MGAT4C: variants seen among roughly 807,000 people sequenced by gnomAD.
MGAT4C encodes alpha-1,3-mannosyl-glycoprotein 4-beta-N-acetylglucosaminyltransferase C.
A neutral mutation model predicts 40.1 loss-of-function variants in MGAT4C; 19 were observed. The observed-to-expected ratio is 0.47, with a 90% CI of 0.33 to 0.70. The LOEUF (loss-of-function observed/expected upper bound fraction) is 0.70. Among genes scored for constraint, MGAT4C ranks in the 30% least tolerant of loss-of-function variants. MGAT4C has a pLI of 0.02. For synonymous variants in MGAT4C, 181 were observed against 187.1 expected, an observed-to-expected ratio of 0.97 and a Z score of 0.27; for missense variants, 491 against 563.2, an observed-to-expected ratio of 0.87 and a Z score of 1.30.
At chr12:86,066,020 TC>T (rs1894505740) in intron 1 of MGAT4C, among the ~76,000 whole-genome samples, 2 of 152,170 alleles carry the variant, frequency 1.3e-5, no homozygotes, top group South Asian at 4.1e-4. Flanking sequence ...AAAGACCTCT[TC>T]AAGGAGAACT....
rs1336814084 is a variant in MGAT4C at position 85,967,583 on chromosome 12, T to C, written c.*11706A>G. On this transcript the variant is annotated 3_prime_UTR_variant, in exon 5 of 5. Coordinates refer to ENST00000611864, the MANE Select transcript of MGAT4C (RefSeq NM_001351288.2). Reference sequence around the variant, plus strand: ...TCTCAAATTATTATTTTGAGGTGTATCCATTTATTTAAAAAAGCCTCATTT... The same window carrying C: ...TCTCAAATTATTATTTTGAGGTGTACCCATTTATTTAAAAAAGCCTCATTT... 6.6e-6 allele frequency: 1 copy of C among 152,102 alleles called. No individual in the cohort carries two copies. Among genetic ancestry groups the C allele is most frequent in the Non-Finnish European group, 1.5e-5 (1 of 67,984 alleles). 9.4% of individuals were successfully genotyped at this position (152,102 alleles called of 1,614,324 possible).
intron 1 of MGAT4C, among the ~76,000 whole-genome samples, chr12:86,083,981 A>G (rs1398507715): frequency 2.0e-5 from 3 of 152,024 alleles, no homozygotes; most frequent in South Asian, 2.1e-4. Context: ...ATGGACCCCA[A>G]AAAAGAAGAA....
chr12:86,603,539 TAG>T lies in MGAT4C; in HGVS notation c.-229+123668_-229+123669del, dbSNP rs1565878089. ...TAGTCTATAGACTATATATAGTCTA[TAG>T]ACTATAGATAATATATAGTCTATAG... On this transcript the variant is annotated intron_variant, in intron 2 of 7. Transcript: ENST00000548651. Among the ~76,000 whole-genome samples the T allele has an allele frequency of 4.5e-4, 6 of 13,256 alleles. No individual in the cohort carries two copies. The Admixed American group carries it at 7.9e-3, about 17-fold the overall frequency. 8.7% of individuals were successfully genotyped at this position (13,256 alleles called of 152,430 possible).
At position 86,082,603 on chromosome 12, in the gene MGAT4C, C is replaced by T. The variant is rs538163634; in HGVS notation, c.-56-32880G>A. Among the ~76,000 whole-genome samples the T allele has an allele frequency of 9.9e-5, 15 of 152,162 alleles. No individual in the cohort carries two copies. In the South Asian group the frequency reaches 3.1e-3, roughly 32 times the overall value. Reference sequence around the variant, plus strand: ...CAGCACAGTTGTGAGTAGTAAATGGCATATTGTAAGTTTCAGCACAAAATG... The same window carrying T: ...CAGCACAGTTGTGAGTAGTAAATGGTATATTGTAAGTTTCAGCACAAAATG... On this transcript the variant is annotated intron_variant, in intron 1 of 4. Transcript: ENST00000611864.
At chr12:86,411,803 C>A (rs1478446982) in intron 3 of MGAT4C, among the ~76,000 whole-genome samples, 2 of 152,144 alleles carry the variant, frequency 1.3e-5, no homozygotes, top group Non-Finnish European at 2.9e-5. Context: ...TCACACCAGA[C>A]CCTCCCATCA....
In MGAT4C at chr12:85,973,227, T is replaced by A. The variant is rs1314522903; in HGVS notation, c.*6062A>T. 2 of 150,878 alleles carry A rather than the reference T, an allele frequency of 1.3e-5. No individual in the cohort carries two copies. Among genetic ancestry groups the A allele is most frequent in the Admixed American group, 1.3e-4 (2 of 15,100 alleles). 9.3% of individuals were successfully genotyped at this position (150,878 alleles called of 1,614,324 possible). On this transcript the variant is annotated 3_prime_UTR_variant, in exon 5 of 5. Coordinates refer to ENST00000611864, the MANE Select transcript of MGAT4C (RefSeq NM_001351288.2). ...GTCTCTTCCAGAACTTCGAGTGCAC[T>A]ATAAATTAAATATTTAAAATATTTT...
rs1301808049 is a variant in MGAT4C, at chr12:86,036,590, G to A, written c.-7+13084C>T. On this transcript the variant is annotated intron_variant, in intron 2 of 4. Coordinates refer to ENST00000611864, the MANE Select transcript of MGAT4C (RefSeq NM_001351288.2). ...TTGTTATTGGTTCTGTTTATGTGAT[G>A]GATTACATTTATTGATTTGAGTATT... Among the ~76,000 whole-genome samples, 4 of 150,094 alleles carry A rather than the reference G, an allele frequency of 2.7e-5. No homozygotes were observed. The Admixed American group carries it at 2.7e-4, about 10-fold the overall frequency.
chr12:86,790,355 C>T (rs188987359), intron 1 of MGAT4C, among the ~76,000 whole-genome samples: 1 of 151,942 alleles, frequency 6.6e-6, no homozygotes, highest in Admixed American at 6.6e-5. Flanking sequence ...AATCAAAGAC[C>T]TAGTATAAGG....
chr12:86,711,873 C>G (rs953979723), intron 2 of MGAT4C, among the ~76,000 whole-genome samples: 8 of 152,122 alleles, frequency 5.3e-5, no homozygotes, highest in Non-Finnish European at 2.9e-5. Context: ...AAAACAGCAA[C>G]AGCAGAGCCA....
intron 1 of MGAT4C, among the ~76,000 whole-genome samples, chr12:86,743,676 C>T (rs912880417): frequency 1.3e-5 from 2 of 151,564 alleles, no homozygotes; most frequent in Middle Eastern, 3.4e-3. Flanking sequence ...CAGGTTTTTC[C>T]AGGTTCATAA....
intron 1 of MGAT4C, among the ~76,000 whole-genome samples, chr12:86,764,158 C>A (rs1038421157): frequency 6.6e-6 from 1 of 152,120 alleles, no homozygotes; most frequent in Non-Finnish European, 1.5e-5. Context: ...TCATTCCCAC[C>A]CGAATACTGT....
intron 3 of MGAT4C, among the ~76,000 whole-genome samples, chr12:86,358,643 G>C (rs11532359): frequency 0.65 from 99,344 of 151,984 alleles, 33,232 homozygotes; most frequent in South Asian, 0.77. Context: ...ATCTACCAAG[G>C]AAATGGAAAA....
At chr12:86,047,647 C>G (rs565113202) in intron 2 of MGAT4C, among the ~76,000 whole-genome samples, 1 of 152,198 alleles carries the variant, frequency 6.6e-6, no homozygotes, top group East Asian at 1.9e-4. Context: ...AAATAAGAAA[C>G]AAACCTCATG....
intron 1 of MGAT4C, among the ~76,000 whole-genome samples, chr12:86,749,964 G>T (rs1246435009): frequency 6.6e-6 from 1 of 151,734 alleles, no homozygotes; most frequent in African/African-American, 2.4e-5. Flanking sequence ...ATCTCTGAAA[G>T]AATATCTCGC....
chr12:86,268,012 C>T (rs1307384015), intron 4 of MGAT4C, among the ~76,000 whole-genome samples: 8 of 152,028 alleles, frequency 5.3e-5, no homozygotes, highest in Non-Finnish European at 1.0e-4. Context: ...TCCCCAGATT[C>T]CTGGGGTGAA....
intron 1 of MGAT4C, among the ~76,000 whole-genome samples, chr12:86,198,241 C>G (rs1386018188): frequency 6.6e-6 from 1 of 152,132 alleles, no homozygotes; most frequent in Non-Finnish European, 1.5e-5. Context: ...TATACATAAC[C>G]CATTACAAAG....
chr12:86,735,139 G>A (rs769332682), intron 1 of MGAT4C, among the ~76,000 whole-genome samples: 2 of 151,822 alleles, frequency 1.3e-5, no homozygotes, highest in Non-Finnish European at 2.9e-5. Flanking sequence ...TTTCCATCTC[G>A]CCTAATGAGT....
intron 3 of MGAT4C, among the ~76,000 whole-genome samples, chr12:86,357,177 C>T (rs1955334615): frequency 6.6e-6 from 1 of 152,214 alleles, no homozygotes; most frequent in Non-Finnish European, 1.5e-5. Context: ...ATTTGCTGTT[C>T]TGCAGCCTCT....
intron 2 of MGAT4C, among the ~76,000 whole-genome samples, chr12:86,675,946 A>G (rs918605684): frequency 1.4e-5 from 2 of 146,372 alleles, no homozygotes; most frequent in Non-Finnish European, 3.0e-5. Context: ...TTATTTTTCT[A>G]CTCATTAATC....
Sources: gnomAD v4.1 joint callset for allele counts (sites outside exome capture counted in the v4.1 genomes callset) on GRCh38, gnomAD v4.1.1 for gene constraint, MANE v1.5 for transcripts, NCBI Gene and HGNC (gene_info 2026-07-23, HGNC 2026-07-21) for gene names.